The following ADAMTS18 variants were observed in gnomAD, a reference collection of about 807,000 sequenced individuals.
ADAMTS18 encodes ADAM metallopeptidase with thrombospondin type 1 motif 18.
Under a neutral mutation model 165.9 loss-of-function variants are expected in ADAMTS18, and 157 were observed. The observed-to-expected ratio is 0.95, with a 90% confidence interval of 0.83 to 1.08. The LOEUF (loss-of-function observed/expected upper bound fraction) is 1.08. ADAMTS18 is among the 50% of genes least tolerant of loss of function. The probability of loss-of-function intolerance (pLI) is 0.00; values close to 1 mark genes in which losing one functional copy is unlikely to be tolerated. For missense variants in ADAMTS18, 2,040 were observed against 1,534.0 expected (o/e 1.33, Z -5.51); for synonymous variants, 782 against 578.2 (o/e 1.35, Z -5.06).
At chr16:77,415,502 C>T (rs954943912) in intron 3 of ADAMTS18, among the ~76,000 whole-genome samples, 4 of 152,068 alleles carry the variant, frequency 2.6e-5, no homozygotes, top group Non-Finnish European at 4.4e-5. Flanking sequence ...TTTGCTAACC[C>T]CAGGTGTCCC....
intron 12 of ADAMTS18, among the ~76,000 whole-genome samples, chr16:77,332,643 A>G (rs1263732319): frequency 3.9e-5 from 6 of 152,192 alleles, no homozygotes. Flanking sequence ...CATTCTGCCA[A>G]CTGGAAAATC....
intron 10 of ADAMTS18, among the ~76,000 whole-genome samples, chr16:77,343,094 G>A (rs961459551): frequency 1.4e-5 from 2 of 146,062 alleles, no homozygotes; most frequent in South Asian, 4.3e-4. Flanking sequence ...TTTTTTGAGA[G>A]TGAGTTTCAC....
intron 8 of ADAMTS18, among the ~76,000 whole-genome samples, chr16:77,356,985 ATTTTT>A (rs4038549): frequency 0.36 from 50,257 of 140,442 alleles, 9,722 homozygotes; most frequent in Non-Finnish European, 0.46. Context: ...CTTTTCTGAA[ATTTTT>A]TTTTTTTTTT....
At chr16:77,315,644 T>C (rs566967676) in intron 16 of ADAMTS18, among the ~76,000 whole-genome samples, 1 of 152,340 alleles carries the variant, frequency 6.6e-6, no homozygotes, top group Non-Finnish European at 1.5e-5. Context: ...CTCCTCTTTA[T>C]TGGTGGTGTC....
intron 3 of ADAMTS18, among the ~76,000 whole-genome samples, chr16:77,378,715 A>C (rs1433382345): frequency 6.6e-6 from 1 of 152,154 alleles, no homozygotes; most frequent in Non-Finnish European, 1.5e-5. Flanking sequence ...ACTGTGTCTC[A>C]AAAAAATAAA....
intron 3 of ADAMTS18, among the ~76,000 whole-genome samples, chr16:77,420,691 G>A (rs768503): frequency 6.6e-6 from 1 of 152,050 alleles, no homozygotes; most frequent in Non-Finnish European, 1.5e-5. Flanking sequence ...AAGATGTAGA[G>A]ATATTCATTA....
chr16:77,364,265 C>T lies in ADAMTS18; in HGVS notation c.895G>A (p.Val299Met), dbSNP rs202167064. The T allele has an allele frequency of 3.2e-5, 51 of 1,613,886 alleles. No individual in the cohort carries two copies. The highest frequency in any genetic ancestry group is 1.5e-4 in the African/African-American group (11 of 74,856). ...TCCACCATTTTCTTGTCTGCCACCA[C>T]GAGGGTTTCCACATTGAGGCCCTTT... Reference protein sequence around the residue: ...SQKGLNVETLVVADKKMVEKH... With the variant: ...SQKGLNVETLMVADKKMVEKH... The change falls in exon 5 of 23, where the codon GTG becomes ATG. Residue 299 changes from valine (V) to methionine (M), a missense_variant. By Grantham distance (21) the Val-to-Met change is conservative. Transcript: ENST00000282849.
chr16:77,424,373 CAGG>C (rs2057644351), intron 3 of ADAMTS18, among the ~76,000 whole-genome samples: 1 of 151,742 alleles, frequency 6.6e-6, no homozygotes, highest in African/African-American at 2.4e-5. Flanking sequence ...GAAGCTGAGG[CAGG>C]AGAATTGCTC....
Position 77,337,908 on chromosome 16 carries a change from C to CTT in ADAMTS18, c.1711-2006_1711-2005dup, listed in dbSNP as rs10679600. 6.1e-3 allele frequency among the ~76,000 whole-genome samples: 863 copies of CTT among 140,814 alleles called. 17 individuals carry two copies. In the East Asian group the frequency reaches 0.065, roughly 11 times the overall value. The allele number at this position is 140,814 out of a possible 152,430, so 92.4% of individuals were successfully genotyped here. ...TTTTATCCATCTTTTCTTTTCTTTT[C>CTT]TTTTTTTTTTTTTTGACAAAGTTTC... On this transcript the variant is annotated intron_variant, in intron 11 of 22. Coordinates refer to ENST00000282849, the MANE Select transcript of ADAMTS18 (RefSeq NM_199355.4).
chr16:77,431,422 A>G lies in ADAMTS18; in HGVS notation c.368T>C (p.Ile123Thr). The G allele has an allele frequency of 6.2e-7, 1 of 1,614,218 alleles. No individual in the cohort carries two copies. Among genetic ancestry groups the G allele is most frequent in the East Asian group, 2.2e-5 (1 of 44,876 alleles). Residue 123 changes from isoleucine (I) to threonine (T), a missense_variant, in exon 3 of 23, where the codon ATT becomes ACT. Transcript: ENST00000282849. ...ACCATCTTTTCCAAGTACCTGGACA[A>G]TAAAGTGACTGCTCAAAATCGCCGA... ...KPSAILSSHF[I>T]VQVLGKDGAS...
chr16:77,361,102 AT>A (rs1353005464), intron 7 of ADAMTS18, among the ~76,000 whole-genome samples: 1 of 148,976 alleles, frequency 6.7e-6, no homozygotes, highest in Non-Finnish European at 1.5e-5. Flanking sequence ...AATAAAAAAA[AT>A]TCATAAAGTT....
chr16:77,413,452 G>C (rs2057491200), intron 3 of ADAMTS18, among the ~76,000 whole-genome samples: 1 of 152,140 alleles, frequency 6.6e-6, no homozygotes, highest in Non-Finnish European at 1.5e-5. Flanking sequence ...AGGAAAATTT[G>C]TTCAAATCCA....
chr16:77,351,759 G>A (rs932596088), intron 10 of ADAMTS18, among the ~76,000 whole-genome samples: 3 of 151,894 alleles, frequency 2.0e-5, no homozygotes, highest in African/African-American at 7.3e-5. Context: ...TAGGGTCTCA[G>A]TCTGTTGCCT....
At chr16:77,287,313 A>G (rs2055273177) in intron 22 of ADAMTS18, among the ~76,000 whole-genome samples, 1 of 152,182 alleles carries the variant, frequency 6.6e-6, no homozygotes, top group African/African-American at 2.4e-5. Flanking sequence ...AACGACATTC[A>G]TAGTAGTCAC....
At chr16:77,392,072 A>C (rs1307814349) in intron 3 of ADAMTS18, among the ~76,000 whole-genome samples, 1 of 152,230 alleles carries the variant, frequency 6.6e-6, no homozygotes, top group Non-Finnish European at 1.5e-5. Flanking sequence ...GAACAACACC[A>C]AGACAATCAT....
chr16:77,372,365 C>G (rs1441882287), intron 3 of ADAMTS18, among the ~76,000 whole-genome samples: 2 of 152,196 alleles, frequency 1.3e-5, no homozygotes, highest in Non-Finnish European at 2.9e-5. Context: ...CAGAATCAGT[C>G]TAAGTGTCTG....
chr16:77,344,259 G>C (rs2056443255), intron 10 of ADAMTS18, among the ~76,000 whole-genome samples: 2 of 151,336 alleles, frequency 1.3e-5, no homozygotes, highest in Non-Finnish European at 2.9e-5. Context: ...ACACTACTTA[G>C]AAACACCAAC....
intron 3 of ADAMTS18, among the ~76,000 whole-genome samples, chr16:77,382,684 G>T (rs2057049157): frequency 6.6e-6 from 1 of 152,176 alleles, no homozygotes. Flanking sequence ...GAAGCTTAAG[G>T]TTATCATTTG....
intron 16 of ADAMTS18, among the ~76,000 whole-genome samples, chr16:77,308,361 T>C (rs1025809468): frequency 6.6e-6 from 1 of 152,126 alleles, no homozygotes; most frequent in African/African-American, 2.4e-5. Context: ...TTTCCTCACC[T>C]CCACTCCAAC....
Sources: allele counts gnomAD v4.1 joint callset (sites outside exome capture counted in the v4.1 genomes callset), GRCh38; gene constraint gnomAD v4.1.1; transcripts MANE v1.5; gene names NCBI Gene and HGNC (gene_info 2026-07-23, HGNC 2026-07-21).